LRRTM4: variants seen among roughly 807,000 people sequenced by gnomAD.
LRRTM4 encodes the protein leucine rich repeat transmembrane neuronal 4, also known as leucine-rich repeat transmembrane neuronal protein 4.
A neutral mutation model predicts 47.6 loss-of-function variants in LRRTM4; 25 were observed. That is an observed-to-expected ratio of 0.53 (90% CI 0.38 to 0.73). The LOEUF is 0.73. Ranked by LOEUF, LRRTM4 falls within the 30% of genes least tolerant of loss-of-function variation. The pLI, the probability that LRRTM4 is intolerant of heterozygous loss-of-function variation, is 0.00. For synonymous variants in LRRTM4, 311 were observed against 269.5 expected, an observed-to-expected ratio of 1.15 and a Z score of -1.51; for missense variants, 638 against 713.4, an observed-to-expected ratio of 0.89 and a Z score of 1.20.
At chr2:76,894,095 T>TA (rs975089373) in intron 3 of LRRTM4, among the ~76,000 whole-genome samples, 1 of 151,992 alleles carries the variant, frequency 6.6e-6, no homozygotes, top group African/African-American at 2.4e-5. Flanking sequence ...TGTACGATGT[T>TA]AAAAATATAC....
intron 3 of LRRTM4, among the ~76,000 whole-genome samples, chr2:77,341,481 A>G (rs1349138109): frequency 2.6e-5 from 4 of 151,968 alleles, no homozygotes; most frequent in Non-Finnish European, 5.9e-5. Flanking sequence ...TTCAGCTGCT[A>G]TTGAAGAGTC....
At chr2:77,416,719 CTTCT>C (rs143379440) in intron 3 of LRRTM4, among the ~76,000 whole-genome samples, 5,715 of 151,976 alleles carry the variant, frequency 0.038, 268 homozygotes, top group African/African-American at 0.11. Context: ...TAAAAAAAGG[CTTCT>C]TTCTTACAGA....
chr2:76,815,078 C>A (rs1670861333), intron 3 of LRRTM4, among the ~76,000 whole-genome samples: 1 of 151,700 alleles, frequency 6.6e-6, no homozygotes, highest in Non-Finnish European at 1.5e-5. Flanking sequence ...TAAAAATGTT[C>A]TGCCTTTCGA....
At chr2:77,482,461 G>C (rs868296410) in intron 3 of LRRTM4, among the ~76,000 whole-genome samples, 2 of 90,898 alleles carry the variant, frequency 2.2e-5, no homozygotes, top group Non-Finnish European at 4.9e-5. Context: ...CACACACACA[G>C]AGACCTGTGA....
At chr2:77,464,644 T>C (rs1391769446) in intron 3 of LRRTM4, among the ~76,000 whole-genome samples, 3 of 152,118 alleles carry the variant, frequency 2.0e-5, no homozygotes, top group African/African-American at 7.2e-5. Context: ...TATGAACTGG[T>C]CTTAGGCACG....
chr2:76,968,338 G>GTGTA (rs1676097059), intron 3 of LRRTM4, among the ~76,000 whole-genome samples: 1 of 89,848 alleles, frequency 1.1e-5, no homozygotes, highest in Non-Finnish European at 2.2e-5. Context: ...GTGTGTATGT[G>GTGTA]TGTATATATA....
At chr2:77,189,035 T>C (rs979773857) in intron 3 of LRRTM4, among the ~76,000 whole-genome samples, 2 of 152,170 alleles carry the variant, frequency 1.3e-5, no homozygotes, top group African/African-American at 2.4e-5. Context: ...AAGTGGAAGA[T>C]GGTGGATTTA....
At chr2:77,032,559 A>G (rs937005368) in intron 3 of LRRTM4, among the ~76,000 whole-genome samples, 2 of 152,100 alleles carry the variant, frequency 1.3e-5, no homozygotes, top group African/African-American at 4.8e-5. Flanking sequence ...TAAATAATTG[A>G]ATAGATGAAA....
At chr2:77,284,092 G>T (rs145626426) in intron 3 of LRRTM4, among the ~76,000 whole-genome samples, 36 of 152,098 alleles carry the variant, frequency 2.4e-4, no homozygotes, top group Non-Finnish European at 4.7e-4. Flanking sequence ...TCCCTTAGAC[G>T]TATTTTGAAA....
Position 77,061,896 on chromosome 2 carries a change from T to C in LRRTM4, c.1552-312980A>G, listed in dbSNP as rs139498081. Among the ~76,000 whole-genome samples the C allele has an allele frequency of 3.1e-3, 464 of 152,122 alleles. 5 individuals are homozygous for C. Among genetic ancestry groups the C allele is most frequent in the African/African-American group, 0.01 (426 of 41,356 alleles). On this transcript the variant is annotated intron_variant, in intron 3 of 3. Coordinates refer to ENST00000409884, the MANE Select transcript of LRRTM4 (RefSeq NM_001134745.3). Reference sequence around the variant, plus strand: ...ACCCAAGTTGACTTTCAAAGTCATCTACATAGTATTTAATAGTTGATAGCT... The same window carrying C: ...ACCCAAGTTGACTTTCAAAGTCATCCACATAGTATTTAATAGTTGATAGCT...
chr2:77,196,644 G>T (rs1673834454), intron 3 of LRRTM4, among the ~76,000 whole-genome samples: 2 of 152,122 alleles, frequency 1.3e-5, no homozygotes, highest in Non-Finnish European at 2.9e-5. Context: ...AGTAGGCTGA[G>T]GCAGGAGAAT....
intron 3 of LRRTM4, among the ~76,000 whole-genome samples, chr2:76,929,585 A>C (rs1001301986): frequency 2.6e-5 from 4 of 152,224 alleles, no homozygotes; most frequent in African/African-American, 9.6e-5. Flanking sequence ...GAGAAAGTCT[A>C]AATATCCTAC....
At chr2:77,484,380 T>C (rs1677833728) in intron 3 of LRRTM4, among the ~76,000 whole-genome samples, 1 of 152,236 alleles carries the variant, frequency 6.6e-6, no homozygotes, top group Non-Finnish European at 1.5e-5. Flanking sequence ...TTATACTGTA[T>C]TGGATCATGG....
intron 3 of LRRTM4, among the ~76,000 whole-genome samples, chr2:77,104,106 C>T (rs1244575796): frequency 6.6e-6 from 1 of 152,112 alleles, no homozygotes; most frequent in African/African-American, 2.4e-5. Context: ...TTAGTTCACA[C>T]CACCTTCCTT....
intron 3 of LRRTM4, among the ~76,000 whole-genome samples, chr2:76,916,881 A>C (rs964033036): frequency 2.6e-5 from 4 of 152,236 alleles, no homozygotes; most frequent in Non-Finnish European, 4.4e-5. Context: ...AGCTAATTCC[A>C]GCTAAGATAT....
intron 3 of LRRTM4, among the ~76,000 whole-genome samples, chr2:77,181,804 C>T (rs1277978990): frequency 2.0e-5 from 3 of 151,798 alleles, no homozygotes. Flanking sequence ...TTTCGAAGTA[C>T]ACATAGAATG....
At chr2:77,491,074 A>G (rs1308833067) in intron 3 of LRRTM4, among the ~76,000 whole-genome samples, 1 of 152,118 alleles carries the variant, frequency 6.6e-6, no homozygotes, top group Non-Finnish European at 1.5e-5. Context: ...ATAGAAGAGA[A>G]GATCAGAAAG....
intron 3 of LRRTM4, among the ~76,000 whole-genome samples, chr2:77,324,193 T>C (rs1670665036): frequency 6.6e-6 from 1 of 152,134 alleles, no homozygotes; most frequent in Non-Finnish European, 1.5e-5. Flanking sequence ...TATTTGACTT[T>C]ATTGATATTT....
Position 77,518,982 on chromosome 2 carries a change from G to C in LRRTM4, c.887C>G (p.Thr296Ser). 1.2e-6 allele frequency: 2 copies of C among 1,611,900 alleles called. No homozygotes were observed. The highest frequency in any genetic ancestry group is 1.3e-5 in the African/African-American group (1 of 74,966). ...TATTAATGATATCCACGCATTGACA[G>C]TTTCCTGTGAGATATTGGTGAGCTT... is the stretch of plus-strand genomic sequence containing the variant. ...SNKLTNISQE[T>S]VNAWISLISI... Residue 296 changes from threonine to serine, a missense_variant, in exon 3 of 4, where the codon ACT becomes AGT. By Grantham distance (58) the Thr-to-Ser change is moderately conservative. Coordinates refer to ENST00000409884, the MANE Select transcript of LRRTM4 (RefSeq NM_001134745.3).
Sources: allele counts gnomAD v4.1 joint callset (sites outside exome capture counted in the v4.1 genomes callset), GRCh38; gene constraint gnomAD v4.1.1; transcripts MANE v1.5; gene names NCBI Gene and HGNC (gene_info 2026-07-23, HGNC 2026-07-21).